The following CEACAM1 variants were observed in gnomAD, a reference collection of about 807,000 sequenced individuals.
The protein encoded by CEACAM1 is CEA cell adhesion molecule 1.
Under a neutral mutation model 49.1 loss-of-function variants are expected in CEACAM1, and 31 were observed. The observed-to-expected ratio is 0.63, with a 90% confidence interval of 0.47 to 0.85. CEACAM1 has a LOEUF of 0.85. CEACAM1 is among the 40% of genes least tolerant of loss of function. The pLI is 0.00. For synonymous variants in CEACAM1, 244 were observed against 247.8 expected (o/e 0.98, Z 0.14); for missense variants, 570 against 645.3 (o/e 0.88, Z 1.26).
chr19:42,509,280 C>T, intron 8 of CEACAM1, 52 bp from the exon 9 acceptor site: 1 of 1,550,274 alleles, frequency 6.5e-7, no homozygotes, highest in Non-Finnish European at 8.7e-7. Flanking sequence ...GGCAGGGCCT[C>T]ACCTTGCCTG....
In CEACAM1 at chr19:42,521,324, C is replaced by T. The variant is rs772941194; in HGVS notation, c.901G>A (p.Ala301Thr). 2.8e-5 allele frequency: 45 copies of T among 1,614,020 alleles called. No individual in the cohort carries two copies. The highest frequency in any genetic ancestry group is 8.8e-5 in the South Asian group (8 of 91,090). Residue 301 changes from alanine to threonine, a missense_variant, in exon 4 of 9, where the codon GCC becomes ACC. By Grantham distance (58) the Ala-to-Thr change is moderately conservative. Transcript: ENST00000161559. ...TTGCAGCCAGTGACTGAGTTATTGGCGTGGCAGGTATAGGATCCACTATTA... is the reference window on the plus strand; with the variant it reads ...TTGCAGCCAGTGACTGAGTTATTGGTGTGGCAGGTATAGGATCCACTATTA... ...VNNSGSYTCH[A>T]NNSVTGCNRT...
In CEACAM1 at chr19:42,526,902, G is replaced by A. The variant is rs933694430; in HGVS notation, c.424+139C>T. The A allele has an allele frequency of 1.2e-5, 16 of 1,345,236 alleles. No individual in the cohort carries two copies. In the African/African-American group the frequency reaches 2.3e-4, roughly 20 times the overall value. 83.3% of individuals were successfully genotyped at this position (1,345,236 alleles called of 1,614,324 possible). A position where few individuals can be genotyped will look rare whatever the true frequency, so the allele number is the denominator to read the frequency against. On this transcript the variant is annotated intron_variant, in intron 2 of 8. Coordinates refer to ENST00000161559, the MANE Select transcript of CEACAM1 (RefSeq NM_001712.5). ...GGTATTTTGATGTCTGTCCCATAGT[G>A]TGTCCTGCACTAGATGCTCAAACCT...
intron 4 of CEACAM1, 190 bp from the exon 5 acceptor site, chr19:42,519,425 T>C: frequency 1.7e-6 from 1 of 599,490 alleles, no homozygotes; most frequent in South Asian, 2.0e-5. Flanking sequence ...AGGTGATGAA[T>C]TGTAAGGAGA....
At chr19:42,513,383 G>A (rs568111993) in intron 5 of CEACAM1, among the ~76,000 whole-genome samples, 15 of 152,200 alleles carry the variant, frequency 9.9e-5, no homozygotes, top group African/African-American at 3.6e-4. Context: ...TGGATCACGA[G>A]GTCAGGAGTT....
At chr19:42,517,948 G>A (rs533520730) in intron 5 of CEACAM1, among the ~76,000 whole-genome samples, 4 of 152,134 alleles carry the variant, frequency 2.6e-5, no homozygotes, top group African/African-American at 9.6e-5. Flanking sequence ...AGATGGATGA[G>A]TGGATAAGCA....
In CEACAM1 at chr19:42,519,207, T is replaced by G. The variant is rs1239661363; in HGVS notation, c.987A>C (p.Gln329His). ...TELSPVVAKP[Q>H]IKASKTTVTG... is the part of the protein sequence containing the mutation. Reference sequence around the variant, plus strand: ...TGACTGTGGTCTTGCTGGCTTTGATTTGGGGCTTTGCTACTACTGGACTTA... The same window carrying G: ...TGACTGTGGTCTTGCTGGCTTTGATGTGGGGCTTTGCTACTACTGGACTTA... The change falls in exon 5 of 9, where the codon CAA becomes CAC. Residue 329 changes from glutamine (Q) to histidine (H), a missense_variant. Coordinates refer to ENST00000161559, the MANE Select transcript of CEACAM1 (RefSeq NM_001712.5). The G allele has an allele frequency of 5.6e-6, 9 of 1,614,070 alleles. No homozygotes were observed. Among genetic ancestry groups the G allele is most frequent in the South Asian group, 1.1e-5 (1 of 91,080 alleles).
Position 42,528,352 on chromosome 19 carries a change from A to G in CEACAM1, c.23T>C (p.Leu8Pro). 6.2e-7 allele frequency: 1 copy of G among 1,613,854 alleles called. No homozygotes were observed. Among genetic ancestry groups the G allele is most frequent in the Non-Finnish European group, 8.5e-7 (1 of 1,179,912 alleles). ...CTGCCAGGGTACACGCACTCTGTGA[A>G]GTGGGGCTGAGAGGTGCCCCATGGT... MGHLSAP[L>P]HRVRVPWQGL... The change falls in exon 1 of 9, where the codon CTT (leucine) becomes CCT (proline). Residue 8 changes from leucine (L) to proline (P), a missense_variant. Transcript: ENST00000161559.
intron 5 of CEACAM1, among the ~76,000 whole-genome samples, chr19:42,512,684 T>C (rs1022142270): frequency 2.2e-5 from 3 of 137,712 alleles, no homozygotes; most frequent in Non-Finnish European, 4.5e-5. Context: ...TTTTCTTTTC[T>C]TTTTTTTTTT....
chr19:42,507,428 A>G lies in CEACAM1; in HGVS notation c.*1681T>C, dbSNP rs532914480. On this transcript the variant is annotated 3_prime_UTR_variant, in exon 9 of 9. Transcript: ENST00000161559. ...ACAGCATGGATGAGGGAAAGTATGC[A>G]CAGTCCGTGTCAGGGTTAGAAAACC... is the stretch of plus-strand genomic sequence containing the variant. 6.6e-6 allele frequency: 1 copy of G among 152,322 alleles called. No individual in the cohort carries two copies. The highest frequency in any genetic ancestry group is 1.9e-4 in the East Asian group (1 of 5,182). 9.4% of individuals were successfully genotyped at this position (152,322 alleles called of 1,614,324 possible). A position where few individuals can be genotyped will look rare whatever the true frequency, so the allele number is the denominator to read the frequency against.
intron 1 of CEACAM1, 62 bp downstream of exon 1, chr19:42,528,249 A>G: frequency 6.8e-7 from 1 of 1,469,906 alleles, no homozygotes; most frequent in Admixed American, 1.9e-5. Context: ...TCCTCCCCAG[A>G]GGACCCTAGC....
Position 42,521,375 on chromosome 19 carries a change from G to A in CEACAM1, c.850C>T (p.Leu284Phe). The part of the protein sequence containing the change: ...NGTFQQSTQE[L>F]FIPNITVNNS... ...TTCACAGTGATGTTAGGGATAAAGAGCTCTTGTGTGCTTTGCTGGAATGTT... is the reference window on the plus strand; with the variant it reads ...TTCACAGTGATGTTAGGGATAAAGAACTCTTGTGTGCTTTGCTGGAATGTT... The change falls in exon 4 of 9, where the codon CTC becomes TTC. Residue 284 changes from leucine (L) to phenylalanine (F), a missense_variant. Leu to Phe is a conservative substitution (Grantham distance 22). Transcript: ENST00000161559. 1 of 1,614,212 alleles carries A rather than the reference G, an allele frequency of 6.2e-7. No individual in the cohort carries two copies. The highest frequency in any genetic ancestry group is 1.7e-5 in the Admixed American group (1 of 60,020).
intron 5 of CEACAM1, among the ~76,000 whole-genome samples, chr19:42,513,962 T>C (rs1367331677): frequency 1.1e-3 from 141 of 128,926 alleles, no homozygotes; most frequent in African/African-American, 4.2e-3. Context: ...CTTCTTCTTT[T>C]TTTTTTTTTT....
chr19:42,520,196 C>G (rs2041708443), intron 4 of CEACAM1, among the ~76,000 whole-genome samples: 1 of 152,174 alleles, frequency 6.6e-6, no homozygotes, highest in African/African-American at 2.4e-5. Context: ...ATGCAGAGCC[C>G]CTGTGGCTGA....
At chr19:42,515,805 G>C (rs2041586234) in intron 5 of CEACAM1, among the ~76,000 whole-genome samples, 1 of 152,096 alleles carries the variant, frequency 6.6e-6, no homozygotes, top group African/African-American at 2.4e-5. Context: ...AAATAATAAG[G>C]ATTATAAGAG....
At position 42,527,504 on chromosome 19, in the gene CEACAM1, AGTGTGTGTGTGTGTGTGTGTGTGTGTGT is replaced by A. The variant is rs3038002; in HGVS notation, c.65-132_65-105del. On this transcript the variant is annotated intron_variant, in intron 1 of 8. Coordinates refer to ENST00000161559, the MANE Select transcript of CEACAM1 (RefSeq NM_001712.5). ...AGGTGTCTTCACCCCTCCACCTTGG[AGTGTGTGTGTGTGTGTGTGTGTGTGTGT>A]GTGTGTGTGTGTGTGTCCTACTGGG... 1.1e-5 allele frequency: 8 copies of A among 715,568 alleles called. No homozygotes were observed. In the African/African-American group the frequency reaches 1.4e-4, roughly 12 times the overall value. 44.3% of individuals were successfully genotyped at this position (715,568 alleles called of 1,614,324 possible). A position where few individuals can be genotyped will look rare whatever the true frequency, so the allele number is the denominator to read the frequency against.
intron 2 of CEACAM1, 67 bp downstream of exon 2, chr19:42,526,974 T>C: frequency 6.4e-7 from 1 of 1,568,156 alleles, no homozygotes; most frequent in Non-Finnish European, 8.6e-7. Context: ...AGCCCAGGCC[T>C]GACAATCCCA....
At chr19:42,519,417 G>A (rs1446857461) in intron 4 of CEACAM1, 182 bp from the exon 5 acceptor site, 1 of 609,014 alleles carries the variant, frequency 1.6e-6, no homozygotes, top group Non-Finnish European at 2.9e-6. Flanking sequence ...CTTTGTTCAG[G>A]TGATGAATTG....
intron 6 of CEACAM1, 105 bp from the exon 7 acceptor site, chr19:42,511,733 G>T: frequency 9.8e-7 from 1 of 1,024,020 alleles, no homozygotes; most frequent in Non-Finnish European, 1.5e-6. Flanking sequence ...AGTCCTTGAT[G>T]TTCATACTGC....
At position 42,511,612 on chromosome 19, in the gene CEACAM1, C is replaced by A. The variant is rs762437836; in HGVS notation, c.1393G>T (p.Asp465Tyr). The A allele has an allele frequency of 6.2e-7, 1 of 1,613,968 alleles. No homozygotes were observed. The highest frequency in any genetic ancestry group is 8.5e-7 in the Non-Finnish European group (1 of 1,179,986). ...ACTGAGGGTTTGTGCTCTGTGAGAT[C>A]ACGCTGGTCGCTTGCCCTAAATAAA... ...GKTGRASDQR[D>Y]LTEHKPSVSN... The change falls in exon 7 of 9, where the codon GAT becomes TAT. Residue 465 changes from aspartate (D) to tyrosine (Y), a missense_variant. Asp to Tyr is a radical substitution (Grantham distance 160). Coordinates refer to ENST00000161559, the MANE Select transcript of CEACAM1 (RefSeq NM_001712.5).
Sources: allele counts gnomAD v4.1 joint callset (sites outside exome capture counted in the v4.1 genomes callset), GRCh38; gene constraint gnomAD v4.1.1; transcripts MANE v1.5; gene names NCBI Gene and HGNC (gene_info 2026-07-23, HGNC 2026-07-21).